Variants in ABCA7 observed in about 807,000 individuals in gnomAD.
ABCA7 encodes ATP binding cassette subfamily A member 7.
In ABCA7, 261 loss-of-function variants were observed where a neutral mutation model predicts 227.6. The observed-to-expected ratio is 1.15, with a 90% CI of 1.04 to 1.27. The LOEUF (loss-of-function observed/expected upper bound fraction) is 1.27. Ranked by LOEUF, ABCA7 falls within the 50% of genes most tolerant of loss-of-function variation. The pLI is 0.00. For synonymous variants in ABCA7, 1,488 were observed against 1,279.7 expected (o/e 1.16, Z -3.47); for missense variants, 3,331 against 2,924.5 (o/e 1.14, Z -3.21).
rs1464574822 is a variant in ABCA7, at chr19:1,057,568, T to G, written c.4880+139T>G. 4.4e-6 allele frequency: 4 copies of G among 901,290 alleles called. No homozygotes were observed. The East Asian group carries it at 1.0e-4, about 23-fold the overall frequency. The allele number at this position is 901,290 out of a possible 1,614,324, so 55.8% of individuals were successfully genotyped here. On this transcript the variant is annotated intron_variant, in intron 35 of 46. Coordinates refer to ENST00000263094, the MANE Select transcript of ABCA7 (RefSeq NM_019112.4). Reference sequence around the variant, plus strand: ...GAGGTGATGCCGTGTGTGATCCAATTCAGTGGTGTGCCAAGGTGGCCTTAA... The same window carrying G: ...GAGGTGATGCCGTGTGTGATCCAATGCAGTGGTGTGCCAAGGTGGCCTTAA...
At position 1,044,666 on chromosome 19, in the gene ABCA7, T is replaced by G; in HGVS notation, c.1137T>G (p.Pro379=). ...AGGCCCTGCGATCCTTTCTGGACCC[T>G]GGGAGCGGTGGCTACAGCTGGCAGG... The part of the protein sequence containing the change: ...HMEALRSFLD[P]GSGGYSWQDA... Residue 379 remains proline, a synonymous_variant, in exon 11 of 47, where the codon CCT becomes CCG. Transcript: ENST00000263094. 6.2e-7 allele frequency: 1 copy of G among 1,613,098 alleles called. No individual in the cohort carries two copies.
chr19:1,061,920 C>T (rs1488899279), intron 41 of ABCA7, 32 bp downstream of exon 41: 1 of 1,520,298 alleles, frequency 6.6e-7, no homozygotes, highest in East Asian at 2.3e-5. Context: ...CAGGGTGGGG[C>T]AGGGTTGGCC....
At position 1,054,234 on chromosome 19, in the gene ABCA7, G is replaced by A. The variant is rs759698818; in HGVS notation, c.3619G>A (p.Ala1207Thr). 17 of 1,608,194 alleles carry A rather than the reference G, an allele frequency of 1.1e-5. No homozygotes were observed. Among genetic ancestry groups the A allele is most frequent in the African/African-American group, 2.7e-5 (2 of 74,794 alleles). Residue 1207 changes from alanine to threonine, a missense_variant, in exon 27 of 47, where the codon GCC becomes ACC. Transcript: ENST00000263094. This position sits in a 1 kb window ranked among gnomAD's most constrained non-coding sequence, Gnocchi z 4.8. ...GACTGACCAGGGCTCTGGGCCAGAC[G>A]CCGTGGGCCGGGTACAGGGCTGGGC... is the stretch of plus-strand genomic sequence containing the variant. Reference protein sequence around the residue: ...PETDQGSGPDAVGRVQGWALT... With the variant: ...PETDQGSGPDTVGRVQGWALT...
At position 1,047,278 on chromosome 19, in the gene ABCA7, C is replaced by T; in HGVS notation, c.1967C>T (p.Ala656Val). The change falls in exon 15 of 47, where the codon GCT (alanine) becomes GTT (valine). Residue 656 changes from alanine (A) to valine (V), a missense_variant. By Grantham distance (64) the Ala-to-Val change is moderately conservative. Transcript: ENST00000263094. ...LSAFFSRANLAAACGGLAYFS... is the reference protein window; with the variant it reads ...LSAFFSRANLVAACGGLAYFS... The stretch of plus-strand genomic sequence containing the variant: ...GCCTTCTTCTCCCGCGCCAACCTGG[C>T]TGCGGCCTGCGGCGGCCTGGCCTAC... The T allele has an allele frequency of 6.2e-7, 1 of 1,605,728 alleles. No individual in the cohort carries two copies. The highest frequency in any genetic ancestry group is 1.1e-5 in the South Asian group (1 of 90,794).
chr19:1,050,927 C>T lies in ABCA7; in HGVS notation c.2559C>T (p.Ile853=), dbSNP rs1599639271. The T allele has an allele frequency of 1.2e-6, 2 of 1,605,212 alleles. No homozygotes were observed. Among genetic ancestry groups the T allele is most frequent in the East Asian group, 2.2e-5 (1 of 44,760 alleles). Residue 853 remains isoleucine (I), a synonymous_variant, in exon 19 of 47, where the codon ATC becomes ATT. Transcript: ENST00000263094. ...GAGACCCCTCTATCCACAGGTCCAT[C>T]TTGAGTGGCCTCTTCCCACCCAGTG... ...NGAGKTTTLS[I]LSGLFPPSGG...
intron 9 of ABCA7, 77 bp downstream of exon 9, chr19:1,043,550 G>A: frequency 6.2e-7 from 1 of 1,606,900 alleles, no homozygotes; most frequent in Non-Finnish European, 8.5e-7. Context: ...GGTGGGCCAG[G>A]GCCAGGCCGG....
intron 42 of ABCA7, 99 bp downstream of exon 42, chr19:1,062,412 G>A: frequency 6.5e-7 from 1 of 1,527,880 alleles, no homozygotes; most frequent in Admixed American, 1.8e-5. Flanking sequence ...TCTCGCCTTG[G>A]CTCCATCCCT....
chr19:1,050,756 G>C (rs1351106439), intron 18 of ABCA7, among the ~76,000 whole-genome samples, 165 bp from the exon 19 acceptor site: 1 of 148,798 alleles, frequency 6.7e-6, no homozygotes, highest in Non-Finnish European at 1.5e-5. Flanking sequence ...CTCCAGCCTG[G>C]GCAACAGAGT....
rs149888292 is a variant in ABCA7, at chr19:1,063,858, C to T, written c.5946C>T (p.Ser1982=). ...VREGRSVMLT[S]HSMEECEALC... ...AGGGCCGTTCAGTGATGCTCACCTCCCATAGGTGGGCCGGGCTCTGATGCC... is the reference window on the plus strand; with the variant it reads ...AGGGCCGTTCAGTGATGCTCACCTCTCATAGGTGGGCCGGGCTCTGATGCC... The change falls in exon 44 of 47, where the codon TCC becomes TCT. Residue 1982 remains serine (S), a synonymous_variant. Transcript: ENST00000263094. 4 of 1,532,614 alleles carry T rather than the reference C, an allele frequency of 2.6e-6. No homozygotes were observed. The East Asian group carries it at 9.8e-5, about 38-fold the overall frequency. 94.9% of individuals were successfully genotyped at this position (1,532,614 alleles called of 1,614,324 possible).
intron 21 of ABCA7, 21 bp from the exon 22 acceptor site, chr19:1,051,921 G>A: frequency 6.2e-7 from 1 of 1,606,716 alleles, no homozygotes; most frequent in Non-Finnish European, 8.5e-7. Context: ...TGGTAGTTGT[G>A]GGTTGGTCCC....
At chr19:1,044,187 G>A (rs981966656) in intron 10 of ABCA7, among the ~76,000 whole-genome samples, 6 of 141,912 alleles carry the variant, frequency 4.2e-5, no homozygotes, top group Non-Finnish European at 9.0e-5. Flanking sequence ...TGATCCACCC[G>A]CCTCGGCCTC....
intron 35 of ABCA7, 60 bp from the exon 36 acceptor site, chr19:1,057,855 A>G: frequency 1.9e-6 from 3 of 1,577,992 alleles, no homozygotes; most frequent in Non-Finnish European, 2.6e-6. Flanking sequence ...GGAGATTTTT[A>G]TTCCTCTCAG....
chr19:1,058,372 A>T, intron 37 of ABCA7, 103 bp downstream of exon 37: 7 of 1,510,738 alleles, frequency 4.6e-6, no homozygotes, highest in Non-Finnish European at 6.2e-6. Context: ...CCCCAGGGAG[A>T]CAGCCAGGGT....
Position 1,051,037 on chromosome 19 carries a change from A to C in ABCA7, c.2669A>C (p.Asn890Thr), listed in dbSNP as rs2041568916. The change falls in exon 19 of 47, where the codon AAC (asparagine) becomes ACC (threonine). Residue 890 changes from asparagine to threonine, a missense_variant. Coordinates refer to ENST00000263094, the MANE Select transcript of ABCA7 (RefSeq NM_019112.4). ...RPHLGVCPQY[N>T]VLFDMLTVDE... ...CACCTGGGCGTCTGTCCTCAGTACA[A>C]CGTGCTGTTTGACATGTGCGTCTCG... is the stretch of plus-strand genomic sequence containing the variant. 2 of 1,611,482 alleles carry C rather than the reference A, an allele frequency of 1.2e-6. No homozygotes were observed. The highest frequency in any genetic ancestry group is 3.3e-5 in the Admixed American group (2 of 59,930).
Position 1,047,344 on chromosome 19 carries a change from G to T in ABCA7, c.2033G>T (p.Arg678Leu). The T allele has an allele frequency of 1.3e-6, 2 of 1,583,028 alleles. No individual in the cohort carries two copies. The highest frequency in any genetic ancestry group is 1.7e-6 in the Non-Finnish European group (2 of 1,169,460). Residue 678 changes from arginine to leucine, a missense_variant, in exon 15 of 47, where the codon CGG becomes CTG. By Grantham distance (102) the Arg-to-Leu change is moderately radical. Coordinates refer to ENST00000263094, the MANE Select transcript of ABCA7 (RefSeq NM_019112.4). Reference sequence around the variant, plus strand: ...CCCTACGTGCTGTGTGTGGCTTGGCGGGACCGGCTGCCCGCGGGTGGCCGC... The same window carrying T: ...CCCTACGTGCTGTGTGTGGCTTGGCTGGACCGGCTGCCCGCGGGTGGCCGC... ...YLPYVLCVAWRDRLPAGGRVA... is the reference protein window; with the variant it reads ...YLPYVLCVAWLDRLPAGGRVA...
In ABCA7 at chr19:1,045,199, C is replaced by T. The variant is rs750550288; in HGVS notation, c.1413C>T (p.Asp471=). 7 of 1,500,238 alleles carry T rather than the reference C, an allele frequency of 4.7e-6. No homozygotes were observed. The African/African-American group carries it at 7.0e-5, about 15-fold the overall frequency. The allele number at this position is 1,500,238 out of a possible 1,614,324, so 92.9% of individuals were successfully genotyped here. A position where few individuals can be genotyped will look rare whatever the true frequency, so the allele number is the denominator to read the frequency against. Residue 471 remains aspartate, a synonymous_variant, in exon 12 of 47, where the codon GAC becomes GAT. Coordinates refer to ENST00000263094, the MANE Select transcript of ABCA7 (RefSeq NM_019112.4). The part of the protein sequence containing the change: ...HVRIKIRMDI[D]VVTRTNKIRD... Reference sequence around the variant, plus strand: ...GCATCAAAATCCGCATGGACATTGACGTGGTCACGAGGACCAATAAGATCA... The same window carrying T: ...GCATCAAAATCCGCATGGACATTGATGTGGTCACGAGGACCAATAAGATCA...
chr19:1,055,703 G>A (rs555711182), intron 30 of ABCA7, among the ~76,000 whole-genome samples: 7 of 151,912 alleles, frequency 4.6e-5, no homozygotes, highest in Non-Finnish European at 7.4e-5. Context: ...GGGTTTCACC[G>A]TGTTGCCAGG....
Position 1,065,101 on chromosome 19 carries a change from G to T in ABCA7, c.6215G>T (p.Gly2072Val). The change falls in exon 46 of 47, where the codon GGA becomes GTA. Residue 2072 changes from glycine to valine, a missense_variant. Physicochemically the swap from Gly to Val is moderately radical, Grantham distance 109. Coordinates refer to ENST00000263094, the MANE Select transcript of ABCA7 (RefSeq NM_019112.4). ...CGCTGCGCCCTGGCGCGCGTCTTTG[G>T]AGAGCTGGCGGTGCACGGCGCAGAG... ...GGRCALARVF[G>V]ELAVHGAEHG... The T allele has an allele frequency of 1.3e-6, 2 of 1,583,536 alleles. No homozygotes were observed.
At chr19:1,045,392 T>A in intron 12 of ABCA7, 161 bp downstream of exon 12, 1 of 719,188 alleles carries the variant, frequency 1.4e-6, no homozygotes, top group Non-Finnish European at 2.2e-6. Flanking sequence ...CTTAGACCAA[T>A]AGGGGCCCGT....
Sources: allele counts gnomAD v4.1 joint callset (sites outside exome capture counted in the v4.1 genomes callset), GRCh38; gene constraint gnomAD v4.1.1; non-coding constraint Gnocchi (gnomAD v3.1); transcripts MANE v1.5; gene names NCBI Gene and HGNC (gene_info 2026-07-23, HGNC 2026-07-21).